Variants in TMEM91 observed in about 807,000 individuals in gnomAD.
The protein encoded by TMEM91 is transmembrane protein 91.
TMEM91 carries 6 observed loss-of-function variants against 13.3 expected under a neutral mutation model. The ratio of observed to expected loss-of-function variants is 0.45; its 90% CI spans 0.25 to 0.89. The LOEUF is 0.89. TMEM91 is among the 40% of genes least tolerant of loss of function. The probability of loss-of-function intolerance (pLI) is 0.19; values close to 1 mark genes in which losing one functional copy is unlikely to be tolerated. For missense variants in TMEM91, 193 were observed against 228.7 expected, an observed-to-expected ratio of 0.84 and a Z score of 1.01; for synonymous variants, 87 against 101.7, an observed-to-expected ratio of 0.86 and a Z score of 0.87.
intron 2 of TMEM91, among the ~76,000 whole-genome samples, chr19:41,378,810 TTG>T (rs755303325): frequency 0.013 from 1,956 of 148,112 alleles, 13 homozygotes; most frequent in Admixed American, 0.017. Context: ...GTCTCCCTCT[TTG>T]TGTGTGTGTG....
At position 41,371,527 on chromosome 19, in the gene TMEM91, C is replaced by T. The variant is rs1196276684; in HGVS notation, c.-29-6754C>T. 2.0e-5 allele frequency among the ~76,000 whole-genome samples: 3 copies of T among 149,250 alleles called. No homozygotes were observed. In the South Asian group the frequency reaches 6.4e-4, roughly 32 times the overall value. ...CTCCACCTCCTGGGTTCCAGTGATT[C>T]TCCTGCCTCAGCCTCCCGAGTAGCT... On this transcript the variant is annotated intron_variant, in intron 1 of 3. Transcript: ENST00000413014.
chr19:41,369,491 G>GT (rs1354930691), intron 1 of TMEM91, among the ~76,000 whole-genome samples: 5 of 143,258 alleles, frequency 3.5e-5, no homozygotes, highest in Non-Finnish European at 6.1e-5. Flanking sequence ...GGGCAACAAA[G>GT]TAAGACTGCA....
At chr19:41,370,039 A>T (rs898363438) in intron 1 of TMEM91, among the ~76,000 whole-genome samples, 2 of 151,848 alleles carry the variant, frequency 1.3e-5, no homozygotes, top group Non-Finnish European at 2.9e-5. Context: ...CCTGGTAATC[A>T]CCATCCTATT....
chr19:41,383,808 G>C lies in TMEM91; in HGVS notation c.454G>C (p.Val152Leu). The C allele has an allele frequency of 6.2e-7, 1 of 1,611,540 alleles. No homozygotes were observed. The highest frequency in any genetic ancestry group is 8.5e-7 in the Non-Finnish European group (1 of 1,178,722). ...LLGVLAVGLG[V>L]CTYAAALVTL... ...GGGGGTCCTCGCCGTCGGGCTGGGC[G>C]TGTGCACGTATGCGGCTGCCCTGGT... Residue 152 changes from valine to leucine, a missense_variant, in exon 4 of 4, where the codon GTG (valine) becomes CTG (leucine). Transcript: ENST00000392002.
upstream of TMEM91, among the ~76,000 whole-genome samples, chr19:41,371,803 A>G (rs2038629056): frequency 6.6e-6 from 1 of 152,124 alleles, no homozygotes; most frequent in African/African-American, 2.4e-5. Flanking sequence ...CTCTTATGAC[A>G]GGATTATTTC....
At chr19:41,363,999 G>C (rs943347731), upstream of TMEM91, 1 of 210,000 alleles carries the variant, frequency 4.8e-6, no homozygotes. Flanking sequence ...AGCGGCAACC[G>C]GGGTTGTAGT....
intron 1 of TMEM91, among the ~76,000 whole-genome samples, chr19:41,370,510 G>C (rs943863376): frequency 6.6e-6 from 1 of 151,712 alleles, no homozygotes; most frequent in African/African-American, 2.4e-5. Flanking sequence ...GGGTTTAACC[G>C]ATTCTCCTGC....
chr19:41,367,142 CAAAAAAGAA>C lies in TMEM91; in HGVS notation c.-30+3059_-30+3067del, dbSNP rs1170686342. Among the ~76,000 whole-genome samples the C allele has an allele frequency of 2.0e-5, 3 of 150,756 alleles. No homozygotes were observed. In the East Asian group the frequency reaches 5.9e-4, roughly 30 times the overall value. The stretch of plus-strand genomic sequence containing the variant: ...GGCGACAGAGCCAGACTTCTACTCT[CAAAAAAGAA>C]AAAAAAGAAAAGAAAGGAAAATATG... On this transcript the variant is annotated intron_variant, in intron 1 of 3. Coordinates refer to the TMEM91 transcript ENST00000413014.
chr19:41,370,603 C>T (rs1171172895), intron 1 of TMEM91, among the ~76,000 whole-genome samples: 1 of 151,914 alleles, frequency 6.6e-6, no homozygotes, highest in East Asian at 1.9e-4. Context: ...GACGGGGTTT[C>T]ACCATATTGG....
upstream of TMEM91, among the ~76,000 whole-genome samples, chr19:41,372,864 G>C (rs1156835330): frequency 6.6e-6 from 1 of 152,124 alleles, no homozygotes; most frequent in Non-Finnish European, 1.5e-5. Flanking sequence ...TATCAAATCA[G>C]ATTTTCACCC....
intron 1 of TMEM91, among the ~76,000 whole-genome samples, chr19:41,378,037 A>G (rs1187479099): frequency 6.8e-6 from 1 of 146,490 alleles, no homozygotes; most frequent in Non-Finnish European, 1.5e-5. Context: ...CTTTGTCTCA[A>G]AAAAAAAAAA....
rs965200974 is a variant in TMEM91, at chr19:41,376,707, T to TCCCCGC, written c.-170_-165dup. 5.3e-5 allele frequency: 8 copies of TCCCCGC among 152,062 alleles called. No homozygotes were observed. Among genetic ancestry groups the TCCCCGC allele is most frequent in the African/African-American group, 1.7e-4 (7 of 41,418 alleles). The allele number at this position is 152,062 out of a possible 1,614,324, so 9.4% of individuals were successfully genotyped here. A position where few individuals can be genotyped will look rare whatever the true frequency, so the allele number is the denominator to read the frequency against. On this transcript the variant is annotated 5_prime_UTR_variant, in exon 1 of 4. Coordinates refer to ENST00000392002, the MANE Select transcript of TMEM91 (RefSeq NM_001098821.2). ...CCTGGGAAGCCGTCGCCCCGCCCCG[T>TCCCCGC]CCCCGCCCCCGCGCGCAGCGGGCCC...
At chr19:41,383,650 G>A (rs771146212) in intron 3 of TMEM91, 65 bp from the exon 4 acceptor site, 4 of 1,614,074 alleles carry the variant, frequency 2.5e-6, no homozygotes, top group Non-Finnish European at 1.7e-6. Flanking sequence ...GGGTGGGGGA[G>A]GGACCAGGGG....
upstream of TMEM91, among the ~76,000 whole-genome samples, chr19:41,374,731 C>A (rs1599924906): frequency 6.6e-6 from 1 of 152,030 alleles, no homozygotes; most frequent in Admixed American, 6.6e-5. Flanking sequence ...CACCTGTAAT[C>A]CCAGCACTTT....
At chr19:41,366,052 C>CTTTTTTTTTTTTTTTTTTTTTTTTCTT (rs11375696) in intron 1 of TMEM91, among the ~76,000 whole-genome samples, 1 of 105,840 alleles carries the variant, frequency 9.4e-6, no homozygotes, top group Non-Finnish European at 1.8e-5. Context: ...TATTTATTTA[C>CTTTTTTTTTTTTTTTTTTTTTTTTCTT]TTTTTTTTTT....
intron 2 of TMEM91, 83 bp from the exon 3 acceptor site, chr19:41,382,689 G>C (rs2038918246): frequency 6.6e-7 from 1 of 1,519,120 alleles, no homozygotes; most frequent in Admixed American, 2.1e-5. Flanking sequence ...GGCAGGTATT[G>C]GCCTTTGAGG....
At chr19:41,369,898 A>G (rs900888820) in intron 1 of TMEM91, among the ~76,000 whole-genome samples, 1 of 152,166 alleles carries the variant, frequency 6.6e-6, no homozygotes, top group African/African-American at 2.4e-5. Flanking sequence ...GTATTGTTCA[A>G]TAGTGTTAAG....
upstream of TMEM91, chr19:41,374,408 C>T (rs2038672888): frequency 6.6e-6 from 1 of 152,180 alleles, no homozygotes; most frequent in Non-Finnish European, 1.5e-5. Context: ...TTAATAAACA[C>T]CATCAAATGT....
upstream of TMEM91, among the ~76,000 whole-genome samples, chr19:41,375,273 CTTTTTTTTTTTTT>C (rs906641411): frequency 5.1e-5 from 3 of 58,658 alleles, no homozygotes; most frequent in South Asian, 6.2e-4. Context: ...ATTTTCTTTT[CTTTTTTTTTTTTT>C]TTTTTTTTTT....
Sources: allele counts gnomAD v4.1 joint callset (sites outside exome capture counted in the v4.1 genomes callset), GRCh38; gene constraint gnomAD v4.1.1; transcripts MANE v1.5; gene names NCBI Gene and HGNC (gene_info 2026-07-23, HGNC 2026-07-21).